Variants in TTC23 observed in about 807,000 individuals in gnomAD.
TTC23 encodes the protein tetratricopeptide repeat domain 23.
In TTC23, 58 loss-of-function variants were observed where a neutral mutation model predicts 55.1. The ratio of observed to expected loss-of-function variants is 1.05; its 90% CI spans 0.85 to 1.31. The LOEUF (loss-of-function observed/expected upper bound fraction) is 1.31, where lower values mean the gene tolerates loss of function less well. TTC23 is among the 50% of genes most tolerant of loss of function. The pLI is 0.00. For missense variants in TTC23, 516 were observed against 534.4 expected, an observed-to-expected ratio of 0.97 and a Z score of 0.34; for synonymous variants, 203 against 199.9, an observed-to-expected ratio of 1.02 and a Z score of -0.13.
intron 11 of TTC23, chr15:99,160,394 T>C (rs2071200765): frequency 6.6e-6 from 1 of 151,584 alleles, no homozygotes; most frequent in Non-Finnish European, 1.5e-5. Context: ...GAAAAAACAA[T>C]AAAAATAACA....
At chr15:99,195,389 C>T (rs1251822175) in intron 9 of TTC23, among the ~76,000 whole-genome samples, 2 of 152,184 alleles carry the variant, frequency 1.3e-5, no homozygotes, top group Non-Finnish European at 2.9e-5. Context: ...CACTACACAC[C>T]TATTAGACTG....
intron 4 of TTC23, among the ~76,000 whole-genome samples, chr15:99,231,586 G>A (rs1368982932): frequency 1.3e-5 from 2 of 152,010 alleles, no homozygotes; most frequent in Non-Finnish European, 1.5e-5. Flanking sequence ...TCCGCCTCCC[G>A]GGTTCACACC....
chr15:99,217,837 G>C (rs2077594599), intron 8 of TTC23, among the ~76,000 whole-genome samples: 1 of 152,154 alleles, frequency 6.6e-6, no homozygotes, highest in Admixed American at 6.5e-5. Flanking sequence ...GATTCCGTGG[G>C]TTCTCTGAGT....
Position 99,156,295 on chromosome 15 carries a change from T to G in TTC23, c.996A>C (p.Arg332Ser). ...GGGACTCTCTCAGGATCGAGGTTGC[T>G]CTCTGTGAAAGGAACAAAAAGCTAT... The part of the protein sequence containing the change: ...HFLQMTGQKE[R>S]ATSILRESLE... The change falls in exon 12 of 14, where the codon AGA becomes AGC. Residue 332 changes from arginine to serine, a missense_variant and splice_region_variant. Arg to Ser is a moderately radical substitution (Grantham distance 110). Transcript: ENST00000394132. The G allele has an allele frequency of 6.2e-7, 1 of 1,614,146 alleles. No homozygotes were observed. Among genetic ancestry groups the G allele is most frequent in the East Asian group, 2.2e-5 (1 of 44,890 alleles).
intron 9 of TTC23, among the ~76,000 whole-genome samples, chr15:99,181,990 C>T (rs1023662007): frequency 5.2e-4 from 79 of 152,036 alleles, no homozygotes; most frequent in African/African-American, 1.9e-3. Flanking sequence ...AAAATAGATA[C>T]CTCAAGGGCT....
chr15:99,195,258 T>A (rs1444749322), intron 9 of TTC23, among the ~76,000 whole-genome samples: 6 of 152,150 alleles, frequency 3.9e-5, no homozygotes, highest in Admixed American at 3.9e-4. Context: ...AAATTGATTT[T>A]AAAAATGGGC....
intron 4 of TTC23, among the ~76,000 whole-genome samples, chr15:99,233,931 A>C (rs1401893694): frequency 6.6e-6 from 1 of 152,238 alleles, no homozygotes; most frequent in African/African-American, 2.4e-5. Flanking sequence ...CCTTGGAGAA[A>C]GAAGTCTGCT....
rs151232139 is a variant in TTC23, at chr15:99,181,999, C to T, written c.760-6844G>A. ...AGCAACAAAATAGATACCTCAAGGG[C>T]TTATATTTTCTTCGTTTGGTTGCAA... On this transcript the variant is annotated intron_variant, in intron 9 of 13. Transcript: ENST00000394132. Among the ~76,000 whole-genome samples, 437 of 152,148 alleles carry T rather than the reference C, an allele frequency of 2.9e-3. 2 individuals carry two copies. The highest frequency in any genetic ancestry group is 8.8e-3 in the African/African-American group (364 of 41,494).
chr15:99,212,444 A>G (rs2077116412), intron 8 of TTC23, among the ~76,000 whole-genome samples: 1 of 152,242 alleles, frequency 6.6e-6, no homozygotes, highest in South Asian at 2.1e-4. Flanking sequence ...TTAAAGAAAT[A>G]TAACTGTGCA....
chr15:99,200,931 G>A (rs1338142967), intron 8 of TTC23, among the ~76,000 whole-genome samples: 1 of 152,168 alleles, frequency 6.6e-6, no homozygotes, highest in African/African-American at 2.4e-5. Context: ...TGACACAGAA[G>A]TTTACCCATT....
chr15:99,198,850 C>T (rs897803842), intron 9 of TTC23, among the ~76,000 whole-genome samples: 11 of 152,198 alleles, frequency 7.2e-5, no homozygotes, highest in African/African-American at 2.4e-4. Context: ...CACTGTATCT[C>T]ACTTCAAATA....
intron 8 of TTC23, among the ~76,000 whole-genome samples, chr15:99,204,001 G>T (rs11855676): frequency 0.011 from 1,642 of 152,142 alleles, 27 homozygotes; most frequent in African/African-American, 0.038. Flanking sequence ...TTTTTGGGGG[G>T]TATATACTGA....
Position 99,220,243 on chromosome 15 carries a change from C to T in TTC23, c.305-1195G>A, listed in dbSNP as rs371299110. Among the ~76,000 whole-genome samples, 10 of 152,246 alleles carry T rather than the reference C, an allele frequency of 6.6e-5. No homozygotes were observed. In the South Asian group the frequency reaches 1.9e-3, roughly 28 times the overall value. On this transcript the variant is annotated intron_variant, in intron 6 of 13. Coordinates refer to ENST00000394132, the MANE Select transcript of TTC23 (RefSeq NM_001288615.3). The stretch of plus-strand genomic sequence containing the variant: ...CTGTAAACAGGGATATTAAAAATAC[C>T]CACCTTTGAGGACTGTGGTGAGGAC...
chr15:99,226,544 A>G (rs1040282662), intron 5 of TTC23, among the ~76,000 whole-genome samples: 2 of 152,226 alleles, frequency 1.3e-5, no homozygotes, highest in Non-Finnish European at 2.9e-5. Context: ...CATGCTGAAA[A>G]TATTTTTAAG....
At chr15:99,171,188 A>G (rs987343266) in intron 10 of TTC23, among the ~76,000 whole-genome samples, 1 of 152,222 alleles carries the variant, frequency 6.6e-6, no homozygotes, top group Non-Finnish European at 1.5e-5. Flanking sequence ...TTAAGGCCTC[A>G]GTAAGCTTTC....
chr15:99,175,199 A>G (rs1307447481), intron 9 of TTC23, 44 bp from the exon 10 acceptor site: 12 of 1,506,028 alleles, frequency 8.0e-6, no homozygotes, highest in Non-Finnish European at 1.1e-5. Context: ...CATACTTGGC[A>G]GCAGCAGCAG....
chr15:99,165,137 G>A (rs1055651558), intron 10 of TTC23, among the ~76,000 whole-genome samples: 4 of 152,172 alleles, frequency 2.6e-5, no homozygotes, highest in African/African-American at 4.8e-5. Flanking sequence ...TGTGGCTATG[G>A]GTCCCCATAC....
At chr15:99,140,167 G>C (rs2151828069) in intron 12 of TTC23, 1 of 160,336 alleles carries the variant, frequency 6.2e-6, no homozygotes, top group East Asian at 1.8e-4. Context: ...CCCAAGCCTT[G>C]ACAGATGACA....
intron 9 of TTC23, among the ~76,000 whole-genome samples, chr15:99,190,181 A>AAAAGAAAGAAAG (rs57945122): frequency 6.1e-5 from 9 of 148,502 alleles, no homozygotes; most frequent in Non-Finnish European, 1.2e-4. Flanking sequence ...CCTGTCTAAA[A>AAAAGAAAGAAAG]AAAGAAAGAA....
Sources: allele counts gnomAD v4.1 joint callset (sites outside exome capture counted in the v4.1 genomes callset), GRCh38; gene constraint gnomAD v4.1.1; transcripts MANE v1.5; gene names NCBI Gene and HGNC (gene_info 2026-07-23, HGNC 2026-07-21).